CNTNAP2: variants seen among roughly 807,000 people sequenced by gnomAD.
CNTNAP2 encodes contactin-associated protein-like 2.
A neutral mutation model predicts 155.2 loss-of-function variants in CNTNAP2; 98 were observed. The ratio of observed to expected loss-of-function variants is 0.63; its 90% CI spans 0.54 to 0.75. The LOEUF is 0.75. Among genes scored for constraint, CNTNAP2 ranks in the 30% least tolerant of loss-of-function variants. The pLI is 0.00. For synonymous variants in CNTNAP2, 651 were observed against 631.2 expected (o/e 1.03, Z -0.47); for missense variants, 1,727 against 1,688.1 (o/e 1.02, Z -0.40).
At chr7:148,230,446 C>G (rs4476924) in intron 20 of CNTNAP2, among the ~76,000 whole-genome samples, 6,725 of 152,240 alleles carry the variant, frequency 0.044, 519 homozygotes, top group African/African-American at 0.15. Flanking sequence ...TAGGCCAAGA[C>G]ATCAAGGATG....
At chr7:146,381,119 C>T (rs745969351) in intron 1 of CNTNAP2, among the ~76,000 whole-genome samples, 1 of 152,020 alleles carries the variant, frequency 6.6e-6, no homozygotes, top group African/African-American at 2.4e-5. Flanking sequence ...ATATACTCAC[C>T]TCCCACAATG....
chr7:146,370,834 T>C (rs1312009116), intron 1 of CNTNAP2, among the ~76,000 whole-genome samples: 16 of 152,152 alleles, frequency 1.1e-4, no homozygotes, highest in Non-Finnish European at 4.4e-5. Context: ...TATGGATCCT[T>C]ATCCAAAACG....
chr7:146,530,772 G>T (rs560981467), intron 1 of CNTNAP2, among the ~76,000 whole-genome samples: 91 of 152,348 alleles, frequency 6.0e-4, no homozygotes, highest in Non-Finnish European at 9.7e-4. Context: ...TACACTGCTA[G>T]TGGGAATGCA....
chr7:147,546,728 G>T (rs746156593), intron 11 of CNTNAP2, among the ~76,000 whole-genome samples: 3 of 152,200 alleles, frequency 2.0e-5, no homozygotes, highest in Admixed American at 6.5e-5. Context: ...ACTGTGGTCA[G>T]TTGAGTCAGG....
At chr7:146,479,500 TAA>T (rs1412560176) in intron 1 of CNTNAP2, among the ~76,000 whole-genome samples, 1 of 152,128 alleles carries the variant, frequency 6.6e-6, no homozygotes, top group Non-Finnish European at 1.5e-5. Flanking sequence ...TGCTTTATTA[TAA>T]AAATGATGTA....
intron 3 of CNTNAP2, among the ~76,000 whole-genome samples, chr7:146,855,807 GTATATATATA>G (rs367900395): frequency 0.025 from 2,719 of 110,834 alleles, 77 homozygotes; most frequent in African/African-American, 0.064. Context: ...GTGTTAATGA[GTATATATATA>G]TATATATATA....
intron 12 of CNTNAP2, among the ~76,000 whole-genome samples, chr7:147,569,403 A>G (rs964241262): frequency 2.0e-5 from 3 of 152,218 alleles, no homozygotes; most frequent in Admixed American, 1.3e-4. Flanking sequence ...TTTCTATCCT[A>G]TAGTACAGTC....
At position 147,610,952 on chromosome 7, in the gene CNTNAP2, C is replaced by T. The variant is rs1801173126; in HGVS notation, c.1898-28154C>T. Among the ~76,000 whole-genome samples the T allele has an allele frequency of 2.0e-5, 3 of 152,026 alleles. No individual in the cohort carries two copies. The South Asian group carries it at 6.2e-4, about 32-fold the overall frequency. ...ACAGAGTTTTGCCGTGTTGCCCAGGCTGGTCTCAAACTCCTGAGCTCAAGT... is the reference window on the plus strand; with the variant it reads ...ACAGAGTTTTGCCGTGTTGCCCAGGTTGGTCTCAAACTCCTGAGCTCAAGT... On this transcript the variant is annotated intron_variant, in intron 12 of 23. Coordinates refer to ENST00000361727, the MANE Select transcript of CNTNAP2 (RefSeq NM_014141.6).
At chr7:147,181,809 A>G (rs1802460927) in intron 8 of CNTNAP2, among the ~76,000 whole-genome samples, 1 of 152,112 alleles carries the variant, frequency 6.6e-6, no homozygotes, top group South Asian at 2.1e-4. Flanking sequence ...TTCTTTTTTT[A>G]ATTACTGAAG....
At chr7:146,666,653 A>G (rs543886379) in intron 1 of CNTNAP2, among the ~76,000 whole-genome samples, 2 of 152,252 alleles carry the variant, frequency 1.3e-5, no homozygotes, top group East Asian at 1.9e-4. Flanking sequence ...CATCCTTTCA[A>G]GCATTGGTTA....
intron 1 of CNTNAP2, among the ~76,000 whole-genome samples, chr7:146,678,721 A>G (rs978846976): frequency 3.2e-4 from 49 of 152,174 alleles, no homozygotes; most frequent in African/African-American, 1.1e-3. Context: ...CATACATTAT[A>G]AAAACCACAT....
At chr7:148,396,720 G>A (rs1364524351) in intron 22 of CNTNAP2, among the ~76,000 whole-genome samples, 2 of 152,214 alleles carry the variant, frequency 1.3e-5, no homozygotes, top group African/African-American at 4.8e-5. Context: ...ATCTTTGTCT[G>A]ATTCCACGTG....
At chr7:147,927,761 T>C (rs1800422893) in intron 14 of CNTNAP2, among the ~76,000 whole-genome samples, 1 of 152,226 alleles carries the variant, frequency 6.6e-6, no homozygotes, top group Admixed American at 6.5e-5. Flanking sequence ...GGGTGACTTT[T>C]TTCTCAGACA....
At chr7:146,706,280 T>C (rs993522608) in intron 1 of CNTNAP2, among the ~76,000 whole-genome samples, 1 of 152,132 alleles carries the variant, frequency 6.6e-6, no homozygotes, top group Non-Finnish European at 1.5e-5. Flanking sequence ...TTGAGCAAAC[T>C]GAACAGAAAT....
At chr7:146,763,231 C>T (rs1361656489) in intron 1 of CNTNAP2, among the ~76,000 whole-genome samples, 4 of 152,116 alleles carry the variant, frequency 2.6e-5, no homozygotes, top group African/African-American at 9.7e-5. Flanking sequence ...TGCTCCGAGC[C>T]TTTTGACTGG....
chr7:147,607,977 G>A lies in CNTNAP2; in HGVS notation c.1898-31129G>A, dbSNP rs140899696. On this transcript the variant is annotated intron_variant, in intron 12 of 23. Transcript: ENST00000361727. ...CCCTAGCAGGTGCCTGAAAATGAACGTTTACATTTTTAGGTTGGACCATAA... is the reference window on the plus strand; with the variant it reads ...CCCTAGCAGGTGCCTGAAAATGAACATTTACATTTTTAGGTTGGACCATAA... Among the ~76,000 whole-genome samples the A allele has an allele frequency of 3.5e-3, 535 of 152,150 alleles. 2 individuals are homozygous for A. Among genetic ancestry groups the A allele is most frequent in the African/African-American group, 0.012 (509 of 41,512 alleles).
In CNTNAP2 at chr7:146,285,497, A is replaced by T. The variant is rs180977385; in HGVS notation, c.97+168524A>T. Reference sequence around the variant, plus strand: ...GAAAACATTTAAGGTTTTATTAAGAAGGTTTTATTAAGAAGTGAACTATTT... The same window carrying T: ...GAAAACATTTAAGGTTTTATTAAGATGGTTTTATTAAGAAGTGAACTATTT... On this transcript the variant is annotated intron_variant, in intron 1 of 23. Coordinates refer to ENST00000361727, the MANE Select transcript of CNTNAP2 (RefSeq NM_014141.6). Among the ~76,000 whole-genome samples the T allele has an allele frequency of 2.4e-3, 370 of 152,194 alleles. 4 individuals are homozygous for T. The highest frequency in any genetic ancestry group is 8.6e-3 in the African/African-American group (357 of 41,536).
chr7:146,592,713 A>T (rs1206329921), intron 1 of CNTNAP2, among the ~76,000 whole-genome samples: 1 of 152,148 alleles, frequency 6.6e-6, no homozygotes, highest in African/African-American at 2.4e-5. Flanking sequence ...TTCAAGGCAA[A>T]AATATCCATA....
At chr7:146,380,923 C>T (rs35024304) in intron 1 of CNTNAP2, among the ~76,000 whole-genome samples, 6 of 148,456 alleles carry the variant, frequency 4.0e-5, no homozygotes, top group Non-Finnish European at 8.9e-5. Flanking sequence ...CTCAGCCTCC[C>T]GAGTAGCTGG....
Sources: allele counts gnomAD v4.1 joint callset (sites outside exome capture counted in the v4.1 genomes callset), GRCh38; gene constraint gnomAD v4.1.1; transcripts MANE v1.5; gene names NCBI Gene and HGNC (gene_info 2026-07-23, HGNC 2026-07-21).